The following RIMS2 variants were observed in gnomAD, a reference collection of about 807,000 sequenced individuals.
The protein encoded by RIMS2 is regulating synaptic membrane exocytosis 2.
In RIMS2, 59 loss-of-function variants were observed where a neutral mutation model predicts 174.4. The observed-to-expected ratio is 0.34, with a 90% CI of 0.27 to 0.42. The LOEUF (loss-of-function observed/expected upper bound fraction) is 0.42. Among genes scored for constraint, RIMS2 ranks in the 10% least tolerant of loss-of-function variants. RIMS2 has a pLI of 1.00. For synonymous variants in RIMS2, 606 were observed against 572.5 expected, an observed-to-expected ratio of 1.06 and a Z score of -0.84; for missense variants, 1,620 against 1,666.3, an observed-to-expected ratio of 0.97 and a Z score of 0.48.
At chr8:103,582,457 CA>C (rs1037113935) in intron 1 of RIMS2, among the ~76,000 whole-genome samples, 2 of 152,080 alleles carry the variant, frequency 1.3e-5, no homozygotes, top group Non-Finnish European at 2.9e-5. Flanking sequence ...AACATAGCCA[CA>C]GGGGGATAGA....
At position 104,078,858 on chromosome 8, in the gene RIMS2, T is replaced by G. The variant is rs189450340; in HGVS notation, c.3334+64243T>G. ...TTCTCAAATCCTAAGAGATAAAATATTTTGGTTTTGTGTTTGCAAATGCAT... is the reference window on the plus strand; with the variant it reads ...TTCTCAAATCCTAAGAGATAAAATAGTTTGGTTTTGTGTTTGCAAATGCAT... On this transcript the variant is annotated intron_variant, in intron 19 of 23. Coordinates refer to ENST00000504942, the Ensembl canonical transcript of RIMS2. Among the ~76,000 whole-genome samples, 606 of 152,332 alleles carry G rather than the reference T, an allele frequency of 4.0e-3. 5 individuals are homozygous for G. Among genetic ancestry groups the G allele is most frequent in the African/African-American group, 0.012 (517 of 41,580 alleles).
At chr8:104,182,092 C>A (rs1315009424) in intron 19 of RIMS2, among the ~76,000 whole-genome samples, 2 of 151,446 alleles carry the variant, frequency 1.3e-5, no homozygotes, top group African/African-American at 4.8e-5. Flanking sequence ...ATAATATTTG[C>A]CCTAGGGGAT....
intron 3 of RIMS2, among the ~76,000 whole-genome samples, chr8:103,852,534 T>G (rs1401485911): frequency 4.6e-5 from 7 of 151,724 alleles, no homozygotes; most frequent in Admixed American, 3.3e-4. Context: ...TAATAGGTAG[T>G]TTTTTGACCC....
chr8:104,156,879 T>C (rs754348089), intron 19 of RIMS2, among the ~76,000 whole-genome samples: 1 of 152,154 alleles, frequency 6.6e-6, no homozygotes, highest in African/African-American at 2.4e-5. Context: ...GTATGCCCTA[T>C]TAATACACAA....
At chr8:103,831,209 T>C (rs2098823706) in intron 3 of RIMS2, among the ~76,000 whole-genome samples, 1 of 152,204 alleles carries the variant, frequency 6.6e-6, no homozygotes. Context: ...AATATTAATG[T>C]TTTTTGTACT....
intron 7 of RIMS2, 57 bp from the exon 11 acceptor site, chr8:103,916,357 G>A (rs1221755962): frequency 2.3e-6 from 3 of 1,311,974 alleles, no homozygotes; most frequent in Non-Finnish European, 3.2e-6. Context: ...GCTCTTAAGT[G>A]TAATTTGTCA....
At position 103,794,310 on chromosome 8, in the gene RIMS2, G is replaced by A. The variant is rs1478614536; in HGVS notation, c.698+27773G>A. ...TAAAACCATCTGATCTTTGACAAAC[G>A]GAACAAAAACAAGAAATGGGGAAAG... On this transcript the variant is annotated intron_variant, in intron 3 of 23. Transcript: ENST00000504942. 4.6e-5 allele frequency among the ~76,000 whole-genome samples: 7 copies of A among 151,908 alleles called. No individual in the cohort carries two copies. The East Asian group carries it at 7.8e-4, about 17-fold the overall frequency.
At chr8:103,929,229 T>C (rs1447177729) in intron 11 of RIMS2, among the ~76,000 whole-genome samples, 1 of 151,754 alleles carries the variant, frequency 6.6e-6, no homozygotes, top group Non-Finnish European at 1.5e-5. Flanking sequence ...GTATGAGAAA[T>C]TGATAATATT....
At chr8:104,046,148 T>C (rs1231612516) in intron 19 of RIMS2, among the ~76,000 whole-genome samples, 1 of 152,034 alleles carries the variant, frequency 6.6e-6, no homozygotes, top group African/African-American at 2.4e-5. Context: ...GACTGGAAAG[T>C]CTAAGTAAGA....
chr8:103,864,699 A>G (rs1234488872), intron 3 of RIMS2, among the ~76,000 whole-genome samples: 4 of 152,210 alleles, frequency 2.6e-5, no homozygotes, highest in Non-Finnish European at 5.9e-5. Flanking sequence ...ATTTAATTGT[A>G]TTAATTATTC....
At chr8:103,816,790 A>T (rs2098721035) in intron 3 of RIMS2, among the ~76,000 whole-genome samples, 1 of 151,884 alleles carries the variant, frequency 6.6e-6, no homozygotes. Context: ...TGTATCGTTG[A>T]CTCTTTCAAA....
intron 2 of RIMS2, among the ~76,000 whole-genome samples, chr8:103,710,198 G>T (rs1487124439): frequency 6.6e-6 from 1 of 151,898 alleles, no homozygotes; most frequent in Non-Finnish European, 1.5e-5. Flanking sequence ...TTATGAAATA[G>T]AATAATGAGA....
chr8:103,670,821 A>G (rs1004347349), intron 1 of RIMS2, among the ~76,000 whole-genome samples: 1 of 152,138 alleles, frequency 6.6e-6, no homozygotes, highest in Non-Finnish European at 1.5e-5. Context: ...ACTTTCCCAC[A>G]TTTTGCTGTC....
intron 17 of RIMS2, among the ~76,000 whole-genome samples, chr8:104,006,730 T>C (rs1258934013): frequency 2.0e-5 from 3 of 151,002 alleles, no homozygotes; most frequent in African/African-American, 7.3e-5. Flanking sequence ...ATATGCTTCC[T>C]TCACTCCATC....
At chr8:103,659,999 GCACCT>G (rs2096578409) in intron 1 of RIMS2, among the ~76,000 whole-genome samples, 1 of 152,234 alleles carries the variant, frequency 6.6e-6, no homozygotes, top group African/African-American at 2.4e-5. Context: ...GGCCCAGGCC[GCACCT>G]GAGATTTTCT....
At chr8:103,674,841 G>C (rs1307473672) in intron 1 of RIMS2, among the ~76,000 whole-genome samples, 4 of 151,256 alleles carry the variant, frequency 2.6e-5, no homozygotes, top group African/African-American at 9.7e-5. Context: ...ATTTAAATAT[G>C]TTTAGCATTT....
Position 103,902,545 on chromosome 8 carries a change from A to G in RIMS2, c.1625-7589A>G, listed in dbSNP as rs76420311. On this transcript the variant is annotated intron_variant, in intron 4 of 23. Transcript: ENST00000504942. ...AGTTTGCAAACCATTGCCTTACATAATATACCCTATATATGACCTTTTTTA... is the reference window on the plus strand; with the variant it reads ...AGTTTGCAAACCATTGCCTTACATAGTATACCCTATATATGACCTTTTTTA... Among the ~76,000 whole-genome samples the G allele has an allele frequency of 9.9e-3, 1,502 of 152,262 alleles. 19 individuals are homozygous for G. The highest frequency in any genetic ancestry group is 0.047 in the East Asian group (241 of 5,180).
chr8:103,675,145 C>CA (rs1774947872), intron 1 of RIMS2, among the ~76,000 whole-genome samples: 2 of 152,098 alleles, frequency 1.3e-5, no homozygotes, highest in Admixed American at 1.3e-4. Context: ...CTCCTGACCT[C>CA]AAGTGATCTG....
chr8:104,196,744 A>T (rs963998625), intron 19 of RIMS2, among the ~76,000 whole-genome samples: 15 of 152,100 alleles, frequency 9.9e-5, no homozygotes. Flanking sequence ...TTTCAGTATT[A>T]TGTCGTATTT....
Sources: gnomAD v4.1 joint callset for allele counts (sites outside exome capture counted in the v4.1 genomes callset) on GRCh38, gnomAD v4.1.1 for gene constraint, MANE v1.5 for transcripts, NCBI Gene and HGNC (gene_info 2026-07-23, HGNC 2026-07-21) for gene names.